The following SEMA6D variants were observed in gnomAD, a reference collection of about 807,000 sequenced individuals.
The protein encoded by SEMA6D is semaphorin 6D, also known as semaphorin-6D.
In SEMA6D, 35 loss-of-function variants were observed where a neutral mutation model predicts 106.6. The ratio of observed to expected loss-of-function variants is 0.33; its 90% confidence interval spans 0.25 to 0.44. SEMA6D has a LOEUF of 0.44. Among genes scored for constraint, SEMA6D ranks in the 20% least tolerant of loss-of-function variants. The pLI, the probability that SEMA6D is intolerant of heterozygous loss-of-function variation, is 1.00. For synonymous variants in SEMA6D, 499 were observed against 487.7 expected, an observed-to-expected ratio of 1.02 and a Z score of -0.31; for missense variants, 1,185 against 1,345.9, an observed-to-expected ratio of 0.88 and a Z score of 1.87.
At chr15:47,314,336 C>T (rs1324557955) in intron 1 of SEMA6D, among the ~76,000 whole-genome samples, 3 of 151,992 alleles carry the variant, frequency 2.0e-5, no homozygotes, top group Admixed American at 6.6e-5. Context: ...CGGTGGCTCA[C>T]GCCTGTAATC....
chr15:47,521,166 T>C (rs971751432), intron 3 of SEMA6D, among the ~76,000 whole-genome samples: 8 of 152,176 alleles, frequency 5.3e-5, no homozygotes, highest in African/African-American at 1.9e-4. Context: ...AGTTATGCAT[T>C]CATTCACATG....
chr15:47,671,256 G>C (rs546272213), intron 4 of SEMA6D, among the ~76,000 whole-genome samples: 1 of 152,126 alleles, frequency 6.6e-6, no homozygotes. Context: ...GGCAACATAG[G>C]GTTTCCAAGA....
intron 1 of SEMA6D, among the ~76,000 whole-genome samples, chr15:47,409,509 C>T (rs1176514508): frequency 1.3e-5 from 2 of 152,144 alleles, no homozygotes; most frequent in Non-Finnish European, 2.9e-5. Context: ...TTCAGTTCCT[C>T]CCCCATAAAT....
At chr15:47,403,563 C>G (rs1486329544) in intron 1 of SEMA6D, among the ~76,000 whole-genome samples, 1 of 152,176 alleles carries the variant, frequency 6.6e-6, no homozygotes, top group Non-Finnish European at 1.5e-5. Flanking sequence ...TAATAACTTG[C>G]AACAGAGTGT....
intron 1 of SEMA6D, among the ~76,000 whole-genome samples, chr15:47,371,046 T>C (rs1424559590): frequency 6.6e-6 from 1 of 152,078 alleles, no homozygotes; most frequent in African/African-American, 2.4e-5. Context: ...TTTTAATGAG[T>C]CCAGTGCCAA....
At chr15:47,444,515 A>G (rs2041972976) in intron 2 of SEMA6D, among the ~76,000 whole-genome samples, 1 of 152,178 alleles carries the variant, frequency 6.6e-6, no homozygotes, top group South Asian at 2.1e-4. Context: ...AAGTATCAGA[A>G]GGATATGTCA....
chr15:47,508,921 G>A (rs2044137387), intron 3 of SEMA6D, among the ~76,000 whole-genome samples: 1 of 152,160 alleles, frequency 6.6e-6, no homozygotes, highest in Non-Finnish European at 1.5e-5. Flanking sequence ...GCATAGAACA[G>A]TGCCTGGCAC....
At chr15:47,533,510 G>C (rs1365172637) in intron 3 of SEMA6D, among the ~76,000 whole-genome samples, 1 of 152,168 alleles carries the variant, frequency 6.6e-6, no homozygotes, top group Non-Finnish European at 1.5e-5. Context: ...TTTCTTTAAA[G>C]TTCAAAATGA....
At chr15:47,701,080 A>G (rs567837311) in intron 4 of SEMA6D, among the ~76,000 whole-genome samples, 4 of 152,340 alleles carry the variant, frequency 2.6e-5, no homozygotes, top group Admixed American at 2.0e-4. Context: ...CTATGAAAGA[A>G]GGAAGTGGTA....
At chr15:47,320,123 T>C (rs2036865816) in intron 1 of SEMA6D, among the ~76,000 whole-genome samples, 1 of 152,170 alleles carries the variant, frequency 6.6e-6, no homozygotes, top group Non-Finnish European at 1.5e-5. Flanking sequence ...TCAAGCTCCT[T>C]ACACCAGAAA....
intron 3 of SEMA6D, among the ~76,000 whole-genome samples, chr15:47,580,744 A>G (rs1341629907): frequency 6.6e-6 from 1 of 152,228 alleles, no homozygotes; most frequent in Admixed American, 6.5e-5. Flanking sequence ...ATGGAGATTA[A>G]ATTCAAGTGA....
At chr15:47,484,217 T>G (rs2043230649) in intron 3 of SEMA6D, among the ~76,000 whole-genome samples, 1 of 152,162 alleles carries the variant, frequency 6.6e-6, no homozygotes, top group South Asian at 2.1e-4. Context: ...TTTCAGTCTC[T>G]TTTTGGCAGT....
intron 1 of SEMA6D, among the ~76,000 whole-genome samples, chr15:47,366,794 C>T (rs968546673): frequency 2.0e-5 from 3 of 152,112 alleles, no homozygotes; most frequent in South Asian, 2.1e-4. Flanking sequence ...GGCAAGAAAG[C>T]GTGTAAGGAA....
At chr15:47,278,834 C>T (rs1348751945) in intron 1 of SEMA6D, among the ~76,000 whole-genome samples, 1 of 147,232 alleles carries the variant, frequency 6.8e-6, no homozygotes, top group Non-Finnish European at 1.5e-5. Context: ...CTACATATGG[C>T]TAGCCAGTTT....
intron 1 of SEMA6D, among the ~76,000 whole-genome samples, chr15:47,205,668 G>C (rs1034345060): frequency 3.9e-5 from 6 of 152,212 alleles, no homozygotes; most frequent in African/African-American, 1.4e-4. Flanking sequence ...GAAAGCCACA[G>C]ATATATTTAT....
chr15:47,366,954 C>T (rs560853031), intron 1 of SEMA6D, among the ~76,000 whole-genome samples: 1 of 152,190 alleles, frequency 6.6e-6, no homozygotes, highest in African/African-American at 2.4e-5. Flanking sequence ...GCCAATAAGG[C>T]TCTGTCTTGC....
intron 4 of SEMA6D, among the ~76,000 whole-genome samples, chr15:47,645,486 C>G (rs2077564811): frequency 6.6e-6 from 1 of 152,062 alleles, no homozygotes; most frequent in Admixed American, 6.5e-5. Flanking sequence ...AAAAATAAGC[C>G]CAAAAACAAA....
At chr15:47,656,414 G>A (rs141967903) in intron 4 of SEMA6D, among the ~76,000 whole-genome samples, 12 of 152,270 alleles carry the variant, frequency 7.9e-5, no homozygotes, top group African/African-American at 2.4e-4. Flanking sequence ...AGTGTCCAGC[G>A]TGGTACCTGG....
chr15:47,579,812 C>G (rs2076224926), intron 3 of SEMA6D, among the ~76,000 whole-genome samples: 1 of 152,118 alleles, frequency 6.6e-6, no homozygotes, highest in African/African-American at 2.4e-5. Context: ...ACTCAACTCT[C>G]CATAAGATTG....
Sources: allele counts gnomAD v4.1 joint callset (sites outside exome capture counted in the v4.1 genomes callset), GRCh38; gene constraint gnomAD v4.1.1; transcripts MANE v1.5; gene names NCBI Gene and HGNC (gene_info 2026-07-23, HGNC 2026-07-21).